KALRN: variants seen among roughly 807,000 people sequenced by gnomAD.
KALRN encodes kalirin RhoGEF kinase.
Under a neutral mutation model 353.7 loss-of-function variants are expected in KALRN, and 70 were observed. That is an observed-to-expected ratio of 0.20 (90% CI 0.16 to 0.24). The LOEUF (loss-of-function observed/expected upper bound fraction) is 0.24, where lower values mean the gene tolerates loss of function less well. Ranked by LOEUF, KALRN falls within the 10% of genes least tolerant of loss-of-function variation. The probability of loss-of-function intolerance (pLI) is 1.00; values close to 1 mark genes in which losing one functional copy is unlikely to be tolerated. For synonymous variants in KALRN, 1,391 were observed against 1,434.8 expected (o/e 0.97, Z 0.69); for missense variants, 2,791 against 3,756.7 (o/e 0.74, Z 6.72).
rs138624947 is a variant in KALRN at position 124,326,163 on chromosome 3, G to T, written c.1276G>T (p.Ala426Ser). Reference sequence around the variant, plus strand: ...CATGTCTGCTGTGTTCCACCAGAAGGCTGAGCAGGTAAGGTGCAGAAACCT... The same window carrying T: ...CATGTCTGCTGTGTTCCACCAGAAGTCTGAGCAGGTAAGGTGCAGAAACCT... ...LAMSAVFHQK[A>S]EQFLSGVDAW... Residue 426 changes from alanine to serine, a missense_variant, in exon 7 of 60, where the codon GCT becomes TCT. Ala to Ser is a moderately conservative substitution (Grantham distance 99). Transcript: ENST00000682506. The T allele has an allele frequency of 2.5e-3, 3,979 of 1,611,306 alleles. 6 individuals carry two copies. The highest frequency in any genetic ancestry group is 3.1e-3 in the Middle Eastern group (19 of 6,052).
At chr3:124,583,480 A>G in intron 34 of KALRN, among the ~76,000 whole-genome samples, 1 of 152,222 alleles carries the variant, frequency 6.6e-6, no homozygotes, top group African/African-American at 2.4e-5. Flanking sequence ...ATATAAGTAA[A>G]GGAATGATAG....
chr3:124,239,115 G>A (rs771193150), intron 3 of KALRN, among the ~76,000 whole-genome samples: 5 of 152,086 alleles, frequency 3.3e-5, no homozygotes, highest in Non-Finnish European at 7.4e-5. Flanking sequence ...CTGGTCTGCT[G>A]TCTGCTTACA....
chr3:124,314,595 G>A (rs1362121198), intron 6 of KALRN, among the ~76,000 whole-genome samples: 1 of 152,150 alleles, frequency 6.6e-6, no homozygotes, highest in Non-Finnish European at 1.5e-5. Flanking sequence ...GCCAGCATCT[G>A]CTTCTGGTGA....
chr3:124,631,049 C>T (rs903387844), intron 34 of KALRN, among the ~76,000 whole-genome samples: 3 of 152,212 alleles, frequency 2.0e-5, no homozygotes. Flanking sequence ...GTCAACTCTC[C>T]TGACCTATCA....
In KALRN at chr3:124,228,025, G is replaced by A. The variant is rs992794173; in HGVS notation, c.109G>A (p.Val37Ile). The A allele has an allele frequency of 6.2e-7, 1 of 1,614,056 alleles. No individual in the cohort carries two copies. The highest frequency in any genetic ancestry group is 8.5e-7 in the Non-Finnish European group (1 of 1,179,960). ...GAATGATGGTTTGAAAGCTTCTGATGTCCTTCCTATCCTAAAGGAAAAGGT... is the reference window on the plus strand; with the variant it reads ...GAATGATGGTTTGAAAGCTTCTGATATCCTTCCTATCCTAAAGGAAAAGGT... ...FRNDGLKASD[V>I]LPILKEKVAF... The change falls in exon 2 of 60, where the codon GTC (valine) becomes ATC (isoleucine). Residue 37 changes from valine to isoleucine, a missense_variant. By Grantham distance (29) the Val-to-Ile change is conservative. Coordinates refer to ENST00000682506, the MANE Select transcript of KALRN (RefSeq NM_001388419.1).
chr3:124,668,123 G>T (rs377601144), intron 47 of KALRN, among the ~76,000 whole-genome samples: 16 of 145,788 alleles, frequency 1.1e-4, no homozygotes, highest in African/African-American at 4.1e-4. Context: ...ACCTCTTCCT[G>T]CCTGTCCTGA....
intron 1 of KALRN, among the ~76,000 whole-genome samples, chr3:124,138,481 A>G (rs1009175857): frequency 6.6e-6 from 1 of 152,158 alleles, no homozygotes; most frequent in African/African-American, 2.4e-5. Context: ...CTTCACACTC[A>G]ATGGGCAGAG....
chr3:124,650,716 C>A, intron 37 of KALRN, 92 bp from the exon 38 acceptor site: 1 of 1,297,158 alleles, frequency 7.7e-7, no homozygotes, highest in South Asian at 1.3e-5. Context: ...TACTGATTTT[C>A]CATGTTGTCT....
chr3:124,466,072 G>A (rs982682008), intron 25 of KALRN, among the ~76,000 whole-genome samples: 1 of 143,748 alleles, frequency 7.0e-6, no homozygotes, highest in Non-Finnish European at 1.6e-5. Flanking sequence ...GTGTGTGTGT[G>A]TGTGTCTGTG....
intron 5 of KALRN, among the ~76,000 whole-genome samples, chr3:124,283,031 C>A (rs769357972): frequency 7.2e-5 from 11 of 152,232 alleles, no homozygotes; most frequent in Admixed American, 4.6e-4. Flanking sequence ...AAGAGAAGGG[C>A]TCCCACAGGG....
chr3:124,117,208 AG>A (rs2063533998), intron 1 of KALRN, among the ~76,000 whole-genome samples: 2 of 152,138 alleles, frequency 1.3e-5, no homozygotes, highest in Non-Finnish European at 2.9e-5. Flanking sequence ...GCATCAGCTC[AG>A]AGGGAGAGAA....
chr3:124,545,762 C>CT (rs2069563130), intron 33 of KALRN, among the ~76,000 whole-genome samples: 1 of 152,208 alleles, frequency 6.6e-6, no homozygotes, highest in Non-Finnish European at 1.5e-5. Context: ...CTGGCTGAGA[C>CT]TTTATGATGC....
Position 124,429,934 on chromosome 3 carries a change from T to C in KALRN, c.2710-722T>C, listed in dbSNP as rs1031538365. 9.2e-5 allele frequency among the ~76,000 whole-genome samples: 14 copies of C among 152,212 alleles called. 1 individual carries two copies. The highest frequency in any genetic ancestry group is 1.5e-5 in the Non-Finnish European group (1 of 68,034). ...TACTGAAGTTCAAACCTGCCTACTC[T>C]TGGTTATTTTGCAAGGTAGAGGAAA... On this transcript the variant is annotated intron_variant, in intron 15 of 59. Coordinates refer to ENST00000682506, the MANE Select transcript of KALRN (RefSeq NM_001388419.1).
intron 2 of KALRN, among the ~76,000 whole-genome samples, chr3:124,233,667 C>T (rs996349994): frequency 1.3e-5 from 2 of 152,158 alleles, no homozygotes; most frequent in Non-Finnish European, 2.9e-5. Context: ...CAGAAGGAAA[C>T]CTTATTCATG....
chr3:124,388,683 AAG>A (rs2088835068), intron 11 of KALRN, among the ~76,000 whole-genome samples: 1 of 152,200 alleles, frequency 6.6e-6, no homozygotes, highest in South Asian at 2.1e-4. Context: ...TATTGTAAAT[AAG>A]AGAGGCTGGG....
chr3:124,379,827 G>T (rs2087090640), intron 10 of KALRN, among the ~76,000 whole-genome samples: 1 of 152,210 alleles, frequency 6.6e-6, no homozygotes, highest in Non-Finnish European at 1.5e-5. Context: ...AGATTTGTCA[G>T]CTGTAAAGTA....
intron 1 of KALRN, among the ~76,000 whole-genome samples, chr3:124,092,511 C>T (rs1476530499): frequency 6.6e-6 from 1 of 152,208 alleles, no homozygotes; most frequent in African/African-American, 2.4e-5. Flanking sequence ...CACATTTGGA[C>T]CCTCCACTCA....
At chr3:124,661,132 G>A (rs1459870254) in intron 44 of KALRN, among the ~76,000 whole-genome samples, 159 bp downstream of exon 44, 1 of 152,160 alleles carries the variant, frequency 6.6e-6, no homozygotes, top group Non-Finnish European at 1.5e-5. Flanking sequence ...CTTGAGGAAT[G>A]GCAAGTGTTA....
chr3:124,227,434 T>C (rs2148485672), intron 1 of KALRN, among the ~76,000 whole-genome samples: 1 of 152,168 alleles, frequency 6.6e-6, no homozygotes, highest in East Asian at 1.9e-4. Context: ...TGTAGGAGTT[T>C]TGTGGTTTAC....
Sources: gnomAD v4.1 joint callset for allele counts (sites outside exome capture counted in the v4.1 genomes callset) on GRCh38, gnomAD v4.1.1 for gene constraint, MANE v1.5 for transcripts, NCBI Gene and HGNC (gene_info 2026-07-23, HGNC 2026-07-21) for gene names.